Variants in ANKRD55 observed in about 807,000 individuals in gnomAD.
ANKRD55 encodes ankyrin repeat domain-containing protein 55.
Under a neutral mutation model 60.6 loss-of-function variants are expected in ANKRD55, and 41 were observed. That is an observed-to-expected ratio of 0.68 (90% CI 0.53 to 0.88). ANKRD55 has a LOEUF of 0.88. Ranked by LOEUF, ANKRD55 falls within the 40% of genes least tolerant of loss-of-function variation. The pLI, the probability that ANKRD55 is intolerant of heterozygous loss-of-function variation, is 0.00. For synonymous variants in ANKRD55, 264 were observed against 290.3 expected, an observed-to-expected ratio of 0.91 and a Z score of 0.92; for missense variants, 732 against 767.6, an observed-to-expected ratio of 0.95 and a Z score of 0.55.
At chr5:56,117,876 C>A (rs183521551) in intron 8 of ANKRD55, among the ~76,000 whole-genome samples, 46 of 152,258 alleles carry the variant, frequency 3.0e-4, no homozygotes, top group African/African-American at 1.1e-3. Context: ...GGCACAGTGG[C>A]TCACGCCTGT....
intron 3 of ANKRD55, among the ~76,000 whole-genome samples, chr5:56,180,083 C>T (rs574415499): frequency 3.2e-4 from 49 of 152,260 alleles, no homozygotes; most frequent in Non-Finnish European, 6.2e-4. Flanking sequence ...GTGGTGGGAA[C>T]TCTCTGCAGA....
chr5:56,187,655 A>G (rs1301788895), intron 2 of ANKRD55, among the ~76,000 whole-genome samples: 2 of 152,254 alleles, frequency 1.3e-5, no homozygotes, highest in Non-Finnish European at 2.9e-5. Context: ...TGCTGCTCCC[A>G]ATCGGGCTAA....
At chr5:56,192,374 CGCT>C (rs777581680) in intron 2 of ANKRD55, among the ~76,000 whole-genome samples, 3 of 152,180 alleles carry the variant, frequency 2.0e-5, no homozygotes, top group Non-Finnish European at 4.4e-5. Context: ...AAAACTCTGC[CGCT>C]GCTGCCGGAG....
rs1173710227 is a variant in ANKRD55 at position 56,143,860 on chromosome 5, C to G, written c.553G>C (p.Gly185Arg). Residue 185 changes from glycine to arginine, a missense_variant, in exon 7 of 12, where the codon GGG (glycine) becomes CGG (arginine). Gly to Arg is a moderately radical substitution (Grantham distance 125). Transcript: ENST00000341048. The part of the protein sequence containing the change: ...PQHTQMLLKK[G>R]ADPTLVDKDF... Reference sequence around the variant, plus strand: ...TTATCCACAAGGGTGGGGTCTGCCCCCTTCTTCAGCAGCATTTGTGTGTGT... The same window carrying G: ...TTATCCACAAGGGTGGGGTCTGCCCGCTTCTTCAGCAGCATTTGTGTGTGT... 5 of 1,614,176 alleles carry G rather than the reference C, an allele frequency of 3.1e-6. No individual in the cohort carries two copies. The highest frequency in any genetic ancestry group is 4.2e-6 in the Non-Finnish European group (5 of 1,180,032).
At chr5:56,198,849 G>A (rs1350639319) in intron 2 of ANKRD55, among the ~76,000 whole-genome samples, 1 of 151,934 alleles carries the variant, frequency 6.6e-6, no homozygotes, top group Non-Finnish European at 1.5e-5. Flanking sequence ...GGAGGCCGAG[G>A]CAGGCGGATC....
chr5:56,119,595 G>A (rs969659290), intron 8 of ANKRD55, among the ~76,000 whole-genome samples: 11 of 152,064 alleles, frequency 7.2e-5, no homozygotes, highest in African/African-American at 2.7e-4. Context: ...AAGAACACCA[G>A]TATTCTAGAT....
intron 8 of ANKRD55, among the ~76,000 whole-genome samples, chr5:56,119,052 A>G (rs1756965789): frequency 6.6e-6 from 1 of 152,226 alleles, no homozygotes; most frequent in African/African-American, 2.4e-5. Context: ...TATAACCTAC[A>G]AATCCCACTT....
rs148491174 is a variant in ANKRD55 at position 56,154,777 on chromosome 5, C to T, written c.483+5056G>A. ...CTAATTTTCATATTTTTAGTAGAGA[C>T]GGGGTTTGGCCATGTTGGCCAGGCT... On this transcript the variant is annotated intron_variant, in intron 6 of 11. Coordinates refer to ENST00000341048, the MANE Select transcript of ANKRD55 (RefSeq NM_024669.3). 3.4e-3 allele frequency among the ~76,000 whole-genome samples: 515 copies of T among 152,036 alleles called. 3 individuals carry two copies. The highest frequency in any genetic ancestry group is 0.011 in the African/African-American group (476 of 41,506).
chr5:56,137,280 G>C, intron 7 of ANKRD55: 1 of 1,598,092 alleles, frequency 6.3e-7, no homozygotes, highest in Non-Finnish European at 8.5e-7. Flanking sequence ...AGAGAGTAAT[G>C]CTGAACTTAT....
chr5:56,127,980 G>C (rs1757320159), intron 7 of ANKRD55, among the ~76,000 whole-genome samples: 1 of 151,990 alleles, frequency 6.6e-6, no homozygotes, highest in Admixed American at 6.6e-5. Flanking sequence ...AGCTTACTTA[G>C]GTGACTTAGA....
At chr5:56,144,050 GTTCA>G (rs1254064848) in intron 6 of ANKRD55, 121 bp from the exon 7 acceptor site, 69 of 1,271,792 alleles carry the variant, frequency 5.4e-5, no homozygotes, top group South Asian at 9.3e-5. Context: ...TTTCCTGCTG[GTTCA>G]TTCATTCATT....
intron 7 of ANKRD55, chr5:56,137,576 A>C: frequency 1.4e-6 from 1 of 693,566 alleles, no homozygotes; most frequent in East Asian, 2.5e-5. Flanking sequence ...AGAAAAAAAA[A>C]AAGAATTCCA....
chr5:56,223,373 C>A (rs1002296335), intron 2 of ANKRD55, among the ~76,000 whole-genome samples: 1 of 152,184 alleles, frequency 6.6e-6, no homozygotes, highest in Admixed American at 6.5e-5. Context: ...TGGAAAGGAA[C>A]AACTGGTATC....
Position 56,107,228 on chromosome 5 carries a change from C to T in ANKRD55, c.1630+3890G>A, listed in dbSNP as rs374229398. On this transcript the variant is annotated intron_variant, in intron 10 of 11. Coordinates refer to ENST00000341048, the MANE Select transcript of ANKRD55 (RefSeq NM_024669.3). ...TTAAAGCTGATTTATAGGCTGAAAA[C>T]ACTTGGGAAATTTATCTTATCATGA... Among the ~76,000 whole-genome samples, 3 of 152,162 alleles carry T rather than the reference C, an allele frequency of 2.0e-5. No individual in the cohort carries two copies. In the East Asian group the frequency reaches 5.8e-4, roughly 29 times the overall value.
intron 7 of ANKRD55, among the ~76,000 whole-genome samples, chr5:56,131,512 C>A (rs1244994566): frequency 1.3e-5 from 2 of 152,098 alleles, no homozygotes; most frequent in South Asian, 2.1e-4. Flanking sequence ...AAAGTAGTTT[C>A]TTGACGGGTG....
chr5:56,123,286 T>C (rs1049206453), intron 8 of ANKRD55, among the ~76,000 whole-genome samples: 9 of 152,100 alleles, frequency 5.9e-5, no homozygotes, highest in African/African-American at 2.2e-4. Flanking sequence ...TGGGTATATC[T>C]GTGAACGGGG....
intron 2 of ANKRD55, among the ~76,000 whole-genome samples, chr5:56,196,487 G>A (rs575456985): frequency 6.6e-6 from 1 of 152,066 alleles, no homozygotes; most frequent in African/African-American, 2.4e-5. Context: ...CAAAATTTGG[G>A]TGTTATTCCC....
At position 56,135,356 on chromosome 5, in the gene ANKRD55, T is replaced by TTTCTTTCTTTCTTTCTTTCTTTC. The variant is rs1156462311; in HGVS notation, c.613-8251_613-8250insGAAAGAAAGAAAGAAAGAAAGAA. ...CTTTCTTTCTTTCTTTCTTTCTTTC[T>TTTCTTTCTTTCTTTCTTTCTTTC]TTCTTTCTTTCCTTCTTTCTTTCTT... is the stretch of plus-strand genomic sequence containing the variant. On this transcript the variant is annotated intron_variant, in intron 7 of 11. Transcript: ENST00000341048. 4.6e-3 allele frequency among the ~76,000 whole-genome samples: 245 copies of TTTCTTTCTTTCTTTCTTTCTTTC among 53,706 alleles called. 25 individuals are homozygous for TTTCTTTCTTTCTTTCTTTCTTTC. Among genetic ancestry groups the TTTCTTTCTTTCTTTCTTTCTTTC allele is most frequent in the African/African-American group, 0.016 (200 of 12,142 alleles). 35.2% of individuals were successfully genotyped at this position (53,706 alleles called of 152,430 possible).
chr5:56,136,785 T>G lies in ANKRD55; in HGVS notation c.612+7016A>C, dbSNP rs191995228. 7.5e-4 allele frequency among the ~76,000 whole-genome samples: 102 copies of G among 136,042 alleles called. No homozygotes were observed. In the Middle Eastern group the frequency reaches 0.011, roughly 15 times the overall value. 89.2% of individuals were successfully genotyped at this position (136,042 alleles called of 152,430 possible). On this transcript the variant is annotated intron_variant, in intron 7 of 11. Coordinates refer to ENST00000341048, the MANE Select transcript of ANKRD55 (RefSeq NM_024669.3). ...AAAATACAAAAAATTACCTAGGCATTGTGGGTGTGCCTATAGTCCCAGGTA... is the reference window on the plus strand; with the variant it reads ...AAAATACAAAAAATTACCTAGGCATGGTGGGTGTGCCTATAGTCCCAGGTA...
Sources: gnomAD v4.1 joint callset for allele counts (sites outside exome capture counted in the v4.1 genomes callset) on GRCh38, gnomAD v4.1.1 for gene constraint, MANE v1.5 for transcripts, NCBI Gene and HGNC (gene_info 2026-07-23, HGNC 2026-07-21) for gene names.